Variants in LEPR observed in about 807,000 individuals in gnomAD.
LEPR encodes leptin receptor, also known as OB receptor.
A neutral mutation model predicts 114.7 loss-of-function variants in LEPR; 56 were observed. That is an observed-to-expected ratio of 0.49 (90% CI 0.39 to 0.61). LEPR has a LOEUF of 0.61. Among genes scored for constraint, LEPR ranks in the 20% least tolerant of loss-of-function variants. The probability of loss-of-function intolerance (pLI) is 0.00; values close to 1 mark genes in which losing one functional copy is unlikely to be tolerated. For missense variants in LEPR, 1,202 were observed against 1,352.9 expected, an observed-to-expected ratio of 0.89 and a Z score of 1.75; for synonymous variants, 443 against 461.4, an observed-to-expected ratio of 0.96 and a Z score of 0.51.
At chr1:65,622,515 AAG>A (rs1448968264) in intron 18 of LEPR, among the ~76,000 whole-genome samples, 1 of 152,212 alleles carries the variant, frequency 6.6e-6, no homozygotes, top group African/African-American at 2.4e-5. Flanking sequence ...TCAGGCAAAA[AAG>A]AGAGAGAGGA....
intron 16 of LEPR, 69 bp from the exon 17 acceptor site, chr1:65,619,859 T>G: frequency 8.4e-7 from 1 of 1,193,522 alleles, no homozygotes; most frequent in Admixed American, 1.8e-5. Context: ...AATTCTTTTT[T>G]AAAATGTATG....
intron 2 of LEPR, among the ~76,000 whole-genome samples, chr1:65,469,575 T>G (rs1647057848): frequency 6.6e-6 from 1 of 152,100 alleles, no homozygotes; most frequent in Non-Finnish European, 1.5e-5. Flanking sequence ...AATTTGACAT[T>G]TACACCAGAA....
intron 19 of LEPR, chr1:65,626,153 G>A: frequency 1.1e-5 from 18 of 1,612,248 alleles, no homozygotes; most frequent in Admixed American, 6.7e-5. Flanking sequence ...ACTACTGGGT[G>A]GAGGTTGGTT....
chr1:65,546,159 T>G (rs1447098435), intron 2 of LEPR, among the ~76,000 whole-genome samples: 5 of 152,242 alleles, frequency 3.3e-5, no homozygotes, highest in African/African-American at 1.2e-4. Context: ...TCTATTCCAT[T>G]GATCTATATC....
intron 2 of LEPR, among the ~76,000 whole-genome samples, chr1:65,491,723 A>G (rs1647882400): frequency 6.6e-6 from 1 of 152,108 alleles, no homozygotes; most frequent in South Asian, 2.1e-4. Flanking sequence ...TTTACCAACC[A>G]TCAGGGCAGA....
intron 2 of LEPR, chr1:65,434,861 G>C (rs1219370079): frequency 1.0e-6 from 1 of 985,318 alleles, no homozygotes. Context: ...AGTTCTCTAA[G>C]TACAGCTGAT....
Position 65,615,918 on chromosome 1 carries a change from A to T in LEPR, c.1996-90A>T, listed in dbSNP as rs1210567089. On this transcript the variant is annotated intron_variant, in intron 14 of 19. Coordinates refer to ENST00000349533, the MANE Select transcript of LEPR (RefSeq NM_002303.6). ...GCCCTGATCTGGCCCCTGCCTCCTA[A>T]TAAGAAATGTAGAATGAGAGTTATG... is the stretch of plus-strand genomic sequence containing the variant. 17 of 1,558,244 alleles carry T rather than the reference A, an allele frequency of 1.1e-5. No individual in the cohort carries two copies. In the African/African-American group the frequency reaches 1.8e-4, roughly 16 times the overall value.
Position 65,601,828 on chromosome 1 carries a change from A to G in LEPR, c.1286-15A>G. 6.2e-7 allele frequency: 1 copy of G among 1,604,814 alleles called. No homozygotes were observed. Among genetic ancestry groups the G allele is most frequent in the Non-Finnish European group, 8.5e-7 (1 of 1,174,064 alleles). ...GTTTTTGCTTTATATTAATATTTTA[A>G]TATGTTTCAAATAGATGTCAATATC... On this transcript the variant is annotated splice_polypyrimidine_tract_variant and intron_variant, in intron 9 of 19. Coordinates refer to ENST00000349533, the MANE Select transcript of LEPR (RefSeq NM_002303.6).
intron 2 of LEPR, among the ~76,000 whole-genome samples, chr1:65,508,423 A>G (rs1326447740): frequency 2.0e-5 from 3 of 152,158 alleles, no homozygotes; most frequent in Non-Finnish European, 4.4e-5. Flanking sequence ...AGTTTTCACA[A>G]TATGATTTAT....
chr1:65,433,697 A>G, intron 2 of LEPR: 1 of 963,736 alleles, frequency 1.0e-6, no homozygotes, highest in Non-Finnish European at 1.2e-6. Flanking sequence ...TGTCATTTCC[A>G]ATATTTATAT....
rs139028309 is a variant in LEPR, at chr1:65,631,501, A to G, written c.2674-4690A>G. Among the ~76,000 whole-genome samples, 328 of 146,250 alleles carry G rather than the reference A, an allele frequency of 2.2e-3. 1 individual carries two copies. Among genetic ancestry groups the G allele is most frequent in the African/African-American group, 7.9e-3 (308 of 38,856 alleles). On this transcript the variant is annotated intron_variant, in intron 19 of 19. Coordinates refer to ENST00000349533, the MANE Select transcript of LEPR (RefSeq NM_002303.6). ...TCCAATTGTTTTCTATCTTTTAGCA[A>G]TGAATGAAAATTACCCACTTCTCAT... is the stretch of plus-strand genomic sequence containing the variant.
intron 2 of LEPR, among the ~76,000 whole-genome samples, chr1:65,472,915 A>T (rs1455810488): frequency 6.6e-6 from 1 of 152,218 alleles, no homozygotes; most frequent in East Asian, 1.9e-4. Context: ...CTCAGATAGC[A>T]TCTAATTCAA....
intron 5 of LEPR, among the ~76,000 whole-genome samples, chr1:65,584,331 C>T (rs1655182317): frequency 1.3e-5 from 2 of 151,984 alleles, no homozygotes; most frequent in African/African-American, 2.4e-5. Flanking sequence ...TTGTTTCTAG[C>T]CCTCTCTGTG....
intron 2 of LEPR, among the ~76,000 whole-genome samples, chr1:65,425,940 C>T (rs778765386): frequency 8.5e-5 from 13 of 152,118 alleles, no homozygotes; most frequent in South Asian, 2.1e-4. Context: ...CATGTGCCAG[C>T]TACTGTTATG....
intron 5 of LEPR, among the ~76,000 whole-genome samples, chr1:65,572,710 C>T (rs1654287819): frequency 6.6e-6 from 1 of 152,166 alleles, no homozygotes; most frequent in Admixed American, 6.5e-5. Flanking sequence ...TTCTAGCTCA[C>T]ACTGAGGTCC....
intron 19 of LEPR, 149 bp downstream of exon 19, chr1:65,623,130 A>G: frequency 1.3e-6 from 1 of 794,820 alleles, no homozygotes. Context: ...TACTTTCAAG[A>G]ATAGCAGGAT....
chr1:65,441,232 C>T (rs1646644495), intron 2 of LEPR, among the ~76,000 whole-genome samples: 1 of 152,164 alleles, frequency 6.6e-6, no homozygotes, highest in African/African-American at 2.4e-5. Flanking sequence ...ACATCCTTAG[C>T]AATAACCACT....
chr1:65,477,085 C>CT (rs1289074287), intron 2 of LEPR, among the ~76,000 whole-genome samples: 2 of 152,066 alleles, frequency 1.3e-5, no homozygotes, highest in African/African-American at 4.8e-5. Context: ...AGTTTTTCTT[C>CT]TTTTTTTGTA....
intron 2 of LEPR, among the ~76,000 whole-genome samples, chr1:65,437,670 A>G (rs1050268654): frequency 1.3e-5 from 2 of 151,946 alleles, no homozygotes; most frequent in Admixed American, 6.6e-5. Context: ...TTTCAGTGTA[A>G]GTAGAAAAAA....
Sources: allele counts gnomAD v4.1 joint callset (sites outside exome capture counted in the v4.1 genomes callset), GRCh38; gene constraint gnomAD v4.1.1; transcripts MANE v1.5; gene names NCBI Gene and HGNC (gene_info 2026-07-23, HGNC 2026-07-21).